APOBEC3H: variants seen among roughly 807,000 people sequenced by gnomAD.
APOBEC3H encodes the protein DNA dC->dU-editing enzyme APOBEC-3H.
A neutral mutation model predicts 21.2 loss-of-function variants in APOBEC3H; 8 were observed. The ratio of observed to expected loss-of-function variants is 0.38; its 90% confidence interval spans 0.22 to 0.68. The LOEUF (loss-of-function observed/expected upper bound fraction) is 0.68. APOBEC3H is among the 30% of genes least tolerant of loss of function. The pLI, the probability that APOBEC3H is intolerant of heterozygous loss-of-function variation, is 0.52. For missense variants in APOBEC3H, 229 were observed against 228.1 expected (o/e 1.00, Z -0.03); for synonymous variants, 88 against 91.0 (o/e 0.97, Z 0.19).
rs777526225 is a variant in APOBEC3H at position 39,101,555 on chromosome 22, G to A, written c.418+51G>A. The stretch of plus-strand genomic sequence containing the variant: ...AGAGTGCAAACCCCCGGGGGCACAG[G>A]CTTGGCAGGGGCTGGGGGTTGGGGG... On this transcript the variant is annotated intron_variant, in intron 3 of 4. Transcript: ENST00000442487. 1.0e-5 allele frequency: 16 copies of A among 1,528,836 alleles called. No individual in the cohort carries two copies. The South Asian group carries it at 1.9e-4, about 18-fold the overall frequency. 94.7% of individuals were successfully genotyped at this position (1,528,836 alleles called of 1,614,324 possible). A position where few individuals can be genotyped will look rare whatever the true frequency, so the allele number is the denominator to read the frequency against.
chr22:39,103,124 CA>C (rs1207791311), intron 4 of APOBEC3H, among the ~76,000 whole-genome samples: 6 of 151,816 alleles, frequency 4.0e-5, no homozygotes, highest in African/African-American at 9.7e-5. Context: ...CCCATCTCTA[CA>C]AAAAATACAA....
At chr22:39,098,639 A>G (rs1254879499) in intron 1 of APOBEC3H, among the ~76,000 whole-genome samples, 1 of 152,068 alleles carries the variant, frequency 6.6e-6, no homozygotes, top group African/African-American at 2.4e-5. Flanking sequence ...AGGATGGGAG[A>G]TCCATCCCTG....
intron 4 of APOBEC3H, among the ~76,000 whole-genome samples, chr22:39,103,364 C>T (rs139312): frequency 0.56 from 85,604 of 152,032 alleles, 26,407 homozygotes; most frequent in African/African-American, 0.84. Context: ...GAAGAAAACC[C>T]GGGAAATATG....
chr22:39,101,534 T>C (rs1253063616), intron 3 of APOBEC3H, 30 bp downstream of exon 3: 1 of 1,452,112 alleles, frequency 6.9e-7, no homozygotes, highest in Non-Finnish European at 9.2e-7. Context: ...GTTATAAGAG[T>C]GCAAACCCCC....
intron 2 of APOBEC3H, 94 bp from the exon 3 acceptor site, chr22:39,101,143 C>A (rs1173126339): frequency 4.8e-5 from 18 of 377,704 alleles, no homozygotes; most frequent in African/African-American, 3.6e-4. Context: ...TCTGCCCCCC[C>A]ATCCCCGCCC....
In APOBEC3H at chr22:39,100,710, C is replaced by G. The variant is rs77600583; in HGVS notation, c.150+282C>G. ...CCTCTCATTTACTCATTCTCCCGAT[C>G]TCAGCTCAGTCACTACTTCGGGAAA... is the stretch of plus-strand genomic sequence containing the variant. On this transcript the variant is annotated intron_variant, in intron 2 of 4. Coordinates refer to ENST00000442487, the MANE Select transcript of APOBEC3H (RefSeq NM_181773.5). Among the ~76,000 whole-genome samples, 1,304 of 152,258 alleles carry G rather than the reference C, an allele frequency of 8.6e-3. 11 individuals are homozygous for G. The highest frequency in any genetic ancestry group is 0.03 in the African/African-American group (1,254 of 41,546).
intron 1 of APOBEC3H, among the ~76,000 whole-genome samples, chr22:39,097,873 A>C (rs1929092040): frequency 6.6e-6 from 1 of 152,216 alleles, no homozygotes. Context: ...GATGACCCTG[A>C]ACACACACTC....
intron 4 of APOBEC3H, among the ~76,000 whole-genome samples, 197 bp from the exon 5 acceptor site, chr22:39,103,492 A>C (rs935332870): frequency 6.6e-6 from 1 of 152,224 alleles, no homozygotes; most frequent in Admixed American, 6.5e-5. Context: ...CAGCAAAAGA[A>C]ACTATCAACA....
Position 39,102,045 on chromosome 22 carries a change from G to A in APOBEC3H, c.543+3G>A. 1.2e-6 allele frequency: 2 copies of A among 1,613,442 alleles called. No homozygotes were observed. Among genetic ancestry groups the A allele is most frequent in the South Asian group, 1.1e-5 (1 of 91,046 alleles). On this transcript the variant is annotated splice_donor_region_variant and intron_variant, in intron 4 of 4. Transcript: ENST00000442487. The stretch of plus-strand genomic sequence containing the variant: ...AGCGACGGCTTGAGAGGATAAAGGT[G>A]AGGCACTGTCCTGCCTGCTGCCCCC...
chr22:39,099,018 A>C (rs763614179), intron 1 of APOBEC3H, among the ~76,000 whole-genome samples: 20 of 152,124 alleles, frequency 1.3e-4, no homozygotes, highest in Non-Finnish European at 1.9e-4. Context: ...CAACATGGTA[A>C]AACTCCATCT....
Position 39,103,917 on chromosome 22 carries a change from T to C in APOBEC3H, c.*220T>C, listed in dbSNP as rs1045180688. The C allele has an allele frequency of 5.4e-5, 32 of 593,868 alleles. No individual in the cohort carries two copies. Among genetic ancestry groups the C allele is most frequent in the Non-Finnish European group, 8.1e-5 (27 of 331,704 alleles). 36.8% of individuals were successfully genotyped at this position (593,868 alleles called of 1,614,324 possible). On this transcript the variant is annotated 3_prime_UTR_variant, in exon 5 of 5. Transcript: ENST00000442487. Reference sequence around the variant, plus strand: ...ACCTTCCTTTCCTCCTTTTTCCATATTGCTTTCTGTTCTAAGTGGGTGAAT... The same window carrying C: ...ACCTTCCTTTCCTCCTTTTTCCATACTGCTTTCTGTTCTAAGTGGGTGAAT...
chr22:39,099,201 A>C (rs1180292249), intron 1 of APOBEC3H, among the ~76,000 whole-genome samples: 2 of 152,112 alleles, frequency 1.3e-5, no homozygotes, highest in African/African-American at 4.8e-5. Flanking sequence ...GCAACAGAGC[A>C]AGACTCTCTC....
At chr22:39,099,670 C>G (rs2146315686) in intron 1 of APOBEC3H, among the ~76,000 whole-genome samples, 1 of 152,298 alleles carries the variant, frequency 6.6e-6, no homozygotes, top group South Asian at 2.1e-4. Flanking sequence ...GAGGTCGGGG[C>G]ATCCCCATGC....
Position 39,102,132 on chromosome 22 carries a change from C to A in APOBEC3H, c.543+90C>A, listed in dbSNP as rs999590113. 2.6e-5 allele frequency: 39 copies of A among 1,504,304 alleles called. No individual in the cohort carries two copies. The South Asian group carries it at 3.2e-4, about 12-fold the overall frequency. The allele number at this position is 1,504,304 out of a possible 1,614,324, so 93.2% of individuals were successfully genotyped here. A position where few individuals can be genotyped will look rare whatever the true frequency, so the allele number is the denominator to read the frequency against. ...CACACCTCTGCCCACTGCCCTTACC[C>A]CTACCTTTTTTTCTTTTCTTTTCTT... On this transcript the variant is annotated intron_variant, in intron 4 of 4. Transcript: ENST00000442487.
At chr22:39,099,938 C>T (rs1459301320) in intron 1 of APOBEC3H, among the ~76,000 whole-genome samples, 2 of 152,154 alleles carry the variant, frequency 1.3e-5, no homozygotes, top group African/African-American at 4.8e-5. Context: ...TTTGGGAGAC[C>T]AAGGTGGGTG....
rs768454107 is a variant in APOBEC3H at position 39,101,322 on chromosome 22, A to G, written c.236A>G (p.Tyr79Cys). The change falls in exon 3 of 5, where the codon TAC becomes TGC. Residue 79 changes from tyrosine (Y) to cysteine (C), a missense_variant. Coordinates refer to ENST00000442487, the MANE Select transcript of APOBEC3H (RefSeq NM_181773.5). ...DETQCYQVTC[Y>C]LTWSPCSSCA... ...ACGCAGTGCTACCAAGTCACCTGTT[A>G]CCTCACGTGGAGCCCCTGCTCCTCC... 1.9e-6 allele frequency: 3 copies of G among 1,612,990 alleles called. No individual in the cohort carries two copies. The South Asian group carries it at 3.3e-5, about 18-fold the overall frequency.
In APOBEC3H at chr22:39,101,947, G is replaced by A. The variant is rs199993649; in HGVS notation, c.448G>A (p.Asp150Asn). 221 of 1,613,794 alleles carry A rather than the reference G, an allele frequency of 1.4e-4. 2 individuals carry two copies. The highest frequency in any genetic ancestry group is 1.1e-5 in the Non-Finnish European group (13 of 1,179,904). Residue 150 changes from aspartate (D) to asparagine (N), a missense_variant, in exon 4 of 5, where the codon GAC (aspartate) becomes AAC (asparagine). Asp to Asn is a conservative substitution (Grantham distance 23, BLOSUM62 1). Transcript: ENST00000442487. ...TGCTGACTGCTGGGAAAACTTTGTG[G>A]ACCACGAGAAACCGCTTTCCTTCAA... is the stretch of plus-strand genomic sequence containing the variant. ...EFADCWENFVDHEKPLSFNPY... is the reference protein window; with the variant it reads ...EFADCWENFVNHEKPLSFNPY...
intron 1 of APOBEC3H, among the ~76,000 whole-genome samples, chr22:39,098,732 T>C (rs1360135702): frequency 6.6e-6 from 1 of 152,090 alleles, no homozygotes; most frequent in Non-Finnish European, 1.5e-5. Flanking sequence ...TCTTCTCCTC[T>C]CCCTGGTCTT....
At position 39,101,973 on chromosome 22, in the gene APOBEC3H, C is replaced by A. The variant is rs370372911; in HGVS notation, c.474C>A (p.Asn158Lys). The A allele has an allele frequency of 4.6e-5, 75 of 1,613,696 alleles. No individual in the cohort carries two copies. Among genetic ancestry groups the A allele is most frequent in the Non-Finnish European group, 6.2e-5 (73 of 1,179,954 alleles). ...ACCACGAGAAACCGCTTTCCTTCAACCCCTATAAGATGTTAGAGGAGCTAG... is the reference window on the plus strand; with the variant it reads ...ACCACGAGAAACCGCTTTCCTTCAAACCCTATAAGATGTTAGAGGAGCTAG... ...FVDHEKPLSF[N>K]PYKMLEELDK... Residue 158 changes from asparagine (N) to lysine (K), a missense_variant, in exon 4 of 5, where the codon AAC (asparagine) becomes AAA (lysine). Transcript: ENST00000442487.
Sources: allele counts gnomAD v4.1 joint callset (sites outside exome capture counted in the v4.1 genomes callset), GRCh38; gene constraint gnomAD v4.1.1; transcripts MANE v1.5; gene names NCBI Gene and HGNC (gene_info 2026-07-23, HGNC 2026-07-21).